The following FERD3L variants were observed in gnomAD, a reference collection of about 807,000 sequenced individuals.
FERD3L encodes the protein Fer3 like bHLH transcription factor.
In FERD3L, 7 loss-of-function variants were observed where a neutral mutation model predicts 7.5. The observed-to-expected ratio is 0.94, with a 90% CI of 0.53 to 1.76. The LOEUF (loss-of-function observed/expected upper bound fraction) is 1.76, where lower values mean the gene tolerates loss of function less well. Among genes scored for constraint, FERD3L ranks in the 40% most tolerant of loss-of-function variants. The pLI is 0.00. For synonymous variants in FERD3L, 122 were observed against 94.4 expected, an observed-to-expected ratio of 1.29 and a Z score of -1.70; for missense variants, 264 against 220.9, an observed-to-expected ratio of 1.20 and a Z score of -1.24.
chr7:19,145,407 G>A lies in FERD3L; in HGVS notation c.-45C>T. 6.5e-7 allele frequency: 1 copy of A among 1,532,056 alleles called. No individual in the cohort carries two copies. The highest frequency in any genetic ancestry group is 8.8e-7 in the Non-Finnish European group (1 of 1,140,718). The allele number at this position is 1,532,056 out of a possible 1,614,324, so 94.9% of individuals were successfully genotyped here. ...CTCTCATCGGTTTTCCGCAGGGAGG[G>A]GCGAGGTTGCTGGTGGGGATTCTTA... is the stretch of plus-strand genomic sequence containing the variant. On this transcript the variant is annotated 5_prime_UTR_variant, in exon 1 of 1. Transcript: ENST00000275461.
chr7:19,145,086 T>A lies in FERD3L; in HGVS notation c.277A>T (p.Lys93Ter), dbSNP rs1563167411. ...GCGTAGGTGATCACCCTTTTCCTCTTGGGGCGGCCTAATAGGGAGACACCT... is the reference window on the plus strand; with the variant it reads ...GCGTAGGTGATCACCCTTTTCCTCTAGGGGCGGCCTAATAGGGAGACACCT... ...GRGVSLLGRP[K>*]RKRVITYAQR... is the part of the protein sequence containing the mutation. The change falls in exon 1 of 1, where the codon AAG becomes TAG. Residue 93 changes from lysine (K) to a stop codon, truncating the protein, a stop_gained. Transcript: ENST00000275461. LOFTEE classifies it high-confidence loss of function. 6.2e-7 allele frequency: 1 copy of A among 1,613,996 alleles called. No homozygotes were observed. The highest frequency in any genetic ancestry group is 8.5e-7 in the Non-Finnish European group (1 of 1,179,966).
rs749813515 is a variant in FERD3L, at chr7:19,145,016, T to C, written c.347A>G (p.Asn116Ser). 5.0e-6 allele frequency: 8 copies of C among 1,614,076 alleles called. No individual in the cohort carries two copies. The highest frequency in any genetic ancestry group is 4.5e-5 in the East Asian group (2 of 44,880). The change falls in exon 1 of 1, where the codon AAC (asparagine) becomes AGC (serine). Residue 116 changes from asparagine (N) to serine (S), a missense_variant. Transcript: ENST00000275461. ...ANIRERKRMF[N>S]LNEAFDQLRR... Reference sequence around the variant, plus strand: ...CAGCTGGTCAAAGGCCTCGTTGAGGTTGAACATCCGCTTCCTTTCGCGGAT... The same window carrying C: ...CAGCTGGTCAAAGGCCTCGTTGAGGCTGAACATCCGCTTCCTTTCGCGGAT...
Position 19,145,175 on chromosome 7 carries a change from T to G in FERD3L, c.188A>C (p.Glu63Ala). Residue 63 changes from glutamate (E) to alanine (A), a missense_variant, in exon 1 of 1, where the codon GAA becomes GCA. By Grantham distance (107) the Glu-to-Ala change is moderately radical (BLOSUM62 -1). Transcript: ENST00000275461. ...CTGGTCCACTTCGCACTCCTCTTCT[T>G]CTGGGTCCCCCTCTTCAAACCGCGC... ...RMARFEEGDP[E>A]EEECEVDQGD... 6.2e-7 allele frequency: 1 copy of G among 1,613,854 alleles called. No individual in the cohort carries two copies. The highest frequency in any genetic ancestry group is 1.1e-5 in the South Asian group (1 of 91,068).
At position 19,145,306 on chromosome 7, in the gene FERD3L, G is replaced by A. The variant is rs374794480; in HGVS notation, c.57C>T (p.Asp19=). ...GGCGTCTCGGGGAGGCCAGGGACAG[G>A]TCTGCGACGAAGTCCAGCACCGTAG... ...VDTTVLDFVA[D]LSLASPRRPL... is the part of the protein sequence containing the mutation. The change falls in exon 1 of 1, where the codon GAC becomes GAT. Residue 19 remains aspartate, a synonymous_variant. Coordinates refer to ENST00000275461, the MANE Select transcript of FERD3L (RefSeq NM_152898.2). 3.8e-5 allele frequency: 62 copies of A among 1,611,226 alleles called. No individual in the cohort carries two copies. The South Asian group carries it at 5.7e-4, about 15-fold the overall frequency.
Position 19,145,150 on chromosome 7 carries a change from CT to C in FERD3L, c.212del (p.Gln71ArgfsTer19). ...DPEEEECEVD[Q>X]GDGEEEEEEE... ...CTTCCTCCTCCTCTTCTCCGTCCCCCTGGTCCACTTCGCACTCCTCTTCTTC... is the reference window on the plus strand; with the variant it reads ...CTTCCTCCTCCTCTTCTCCGTCCCCCGGTCCACTTCGCACTCCTCTTCTTC... On this transcript the variant is annotated frameshift_variant, in exon 1 of 1. Transcript: ENST00000275461. LOFTEE classifies it high-confidence loss of function. 2 of 1,613,342 alleles carry C rather than the reference CT, an allele frequency of 1.2e-6. No homozygotes were observed. The highest frequency in any genetic ancestry group is 1.7e-6 in the Non-Finnish European group (2 of 1,179,388).
At position 19,144,974 on chromosome 7, in the gene FERD3L, G is replaced by T; in HGVS notation, c.389C>A (p.Thr130Lys). Residue 130 changes from threonine (T) to lysine (K), a missense_variant, in exon 1 of 1, where the codon ACG (threonine) becomes AAG (lysine). Coordinates refer to ENST00000275461, the MANE Select transcript of FERD3L (RefSeq NM_152898.2). ...GGACAGCCTTTTCTCGTAAGCAAACGTGGGCACCTTCCTCCGCAGCTGGTC... is the reference window on the plus strand; with the variant it reads ...GGACAGCCTTTTCTCGTAAGCAAACTTGGGCACCTTCCTCCGCAGCTGGTC... ...AFDQLRRKVP[T>K]FAYEKRLSRI... 1 of 1,614,154 alleles carries T rather than the reference G, an allele frequency of 6.2e-7. No individual in the cohort carries two copies. The highest frequency in any genetic ancestry group is 2.2e-5 in the East Asian group (1 of 44,868).
In FERD3L at chr7:19,144,999, C is replaced by T; in HGVS notation, c.364G>A (p.Asp122Asn). The part of the protein sequence containing the change: ...KRMFNLNEAF[D>N]QLRRKVPTFA... ...GTGGGCACCTTCCTCCGCAGCTGGTCAAAGGCCTCGTTGAGGTTGAACATC... is the reference window on the plus strand; with the variant it reads ...GTGGGCACCTTCCTCCGCAGCTGGTTAAAGGCCTCGTTGAGGTTGAACATC... Residue 122 changes from aspartate (D) to asparagine (N), a missense_variant, in exon 1 of 1, where the codon GAC becomes AAC. Transcript: ENST00000275461. 6.2e-7 allele frequency: 1 copy of T among 1,614,192 alleles called. No homozygotes were observed. Among genetic ancestry groups the T allele is most frequent in the African/African-American group, 1.3e-5 (1 of 75,046 alleles).
In FERD3L at chr7:19,145,359, C is replaced by A; in HGVS notation, c.4G>T (p.Ala2Ser). The change falls in exon 1 of 1, where the codon GCG becomes TCG. Residue 2 changes from alanine to serine, a missense_variant. Transcript: ENST00000275461. M[A>S]AYPESCVDTT... is the part of the protein sequence containing the mutation. ...TCCACGCAGCTCTCCGGATAGGCCG[C>A]CATCGCTTCGGCTTGGCCCTGCCTC... 1 of 1,578,582 alleles carries A rather than the reference C, an allele frequency of 6.3e-7. No homozygotes were observed. Among genetic ancestry groups the A allele is most frequent in the Non-Finnish European group, 8.6e-7 (1 of 1,158,336 alleles).
In FERD3L at chr7:19,145,331, G is replaced by A. The variant is rs767978345; in HGVS notation, c.32C>T (p.Thr11Ile). 1.9e-6 allele frequency: 3 copies of A among 1,598,642 alleles called. No homozygotes were observed. The highest frequency in any genetic ancestry group is 1.1e-5 in the South Asian group (1 of 90,856). Reference protein sequence around the residue: MAAYPESCVDTTVLDFVADLS... With the variant: MAAYPESCVDITVLDFVADLS... ...GTCTGCGACGAAGTCCAGCACCGTAGTGTCCACGCAGCTCTCCGGATAGGC... is the reference window on the plus strand; with the variant it reads ...GTCTGCGACGAAGTCCAGCACCGTAATGTCCACGCAGCTCTCCGGATAGGC... Residue 11 changes from threonine to isoleucine, a missense_variant, in exon 1 of 1, where the codon ACT becomes ATT. Physicochemically the swap from Thr to Ile is moderately conservative, Grantham distance 89. Coordinates refer to ENST00000275461, the MANE Select transcript of FERD3L (RefSeq NM_152898.2).
chr7:19,145,188 C>G lies in FERD3L; in HGVS notation c.175G>C (p.Glu59Gln). The G allele has an allele frequency of 6.2e-7, 1 of 1,614,020 alleles. No individual in the cohort carries two copies. Among genetic ancestry groups the G allele is most frequent in the Non-Finnish European group, 8.5e-7 (1 of 1,179,904 alleles). Residue 59 changes from glutamate to glutamine, a missense_variant, in exon 1 of 1, where the codon GAG becomes CAG. Physicochemically the swap from Glu to Gln is conservative, Grantham distance 29. Coordinates refer to ENST00000275461, the MANE Select transcript of FERD3L (RefSeq NM_152898.2). ...CACTCCTCTTCTTCTGGGTCCCCCT[C>G]TTCAAACCGCGCCATCCTCCTGGGT... is the stretch of plus-strand genomic sequence containing the variant. ...GRPRRMARFE[E>Q]GDPEEEECEV...
chr7:19,145,325 A>T lies in FERD3L; in HGVS notation c.38T>A (p.Val13Glu). Residue 13 changes from valine to glutamate, a missense_variant, in exon 1 of 1, where the codon GTG becomes GAG. By Grantham distance (121) the Val-to-Glu change is moderately radical. Transcript: ENST00000275461. ...GGACAGGTCTGCGACGAAGTCCAGC[A>T]CCGTAGTGTCCACGCAGCTCTCCGG... ...AYPESCVDTT[V>E]LDFVADLSLA... 2 of 1,600,608 alleles carry T rather than the reference A, an allele frequency of 1.2e-6. No homozygotes were observed. The highest frequency in any genetic ancestry group is 1.7e-6 in the Non-Finnish European group (2 of 1,172,096).
rs1219832834 is a variant in FERD3L, at chr7:19,145,307, T to C, written c.56A>G (p.Asp19Gly). 7 of 1,610,932 alleles carry C rather than the reference T, an allele frequency of 4.3e-6. No individual in the cohort carries two copies. Among genetic ancestry groups the C allele is most frequent in the Non-Finnish European group, 5.9e-6 (7 of 1,179,412 alleles). ...VDTTVLDFVA[D>G]LSLASPRRPL... ...GCGTCTCGGGGAGGCCAGGGACAGGTCTGCGACGAAGTCCAGCACCGTAGT... is the reference window on the plus strand; with the variant it reads ...GCGTCTCGGGGAGGCCAGGGACAGGCCTGCGACGAAGTCCAGCACCGTAGT... The change falls in exon 1 of 1, where the codon GAC becomes GGC. Residue 19 changes from aspartate to glycine, a missense_variant. Transcript: ENST00000275461.
At position 19,145,370 on chromosome 7, in the gene FERD3L, G is replaced by A; in HGVS notation, c.-8C>T. 1.3e-6 allele frequency: 2 copies of A among 1,571,778 alleles called. No homozygotes were observed. The highest frequency in any genetic ancestry group is 3.4e-5 in the Admixed American group (2 of 58,544). On this transcript the variant is annotated 5_prime_UTR_variant, in exon 1 of 1. Coordinates refer to ENST00000275461, the MANE Select transcript of FERD3L (RefSeq NM_152898.2). ...CTCCGGATAGGCCGCCATCGCTTCGGCTTGGCCCTGCCTCTCATCGGTTTT... is the reference window on the plus strand; with the variant it reads ...CTCCGGATAGGCCGCCATCGCTTCGACTTGGCCCTGCCTCTCATCGGTTTT...
At position 19,144,843 on chromosome 7, in the gene FERD3L, C is replaced by A. The variant is rs1401322684; in HGVS notation, c.*19G>T. On this transcript the variant is annotated 3_prime_UTR_variant, in exon 1 of 1. Transcript: ENST00000275461. ...CCCAGCACTACCAGACGAGGAAGGG[C>A]AGACTCTCCACACCAGGCTCAGCCG... 1 of 1,609,630 alleles carries A rather than the reference C, an allele frequency of 6.2e-7. No individual in the cohort carries two copies. The highest frequency in any genetic ancestry group is 1.7e-5 in the Admixed American group (1 of 59,888).
Position 19,145,123 on chromosome 7 carries a change from C to T in FERD3L, c.240G>A (p.Glu80=), listed in dbSNP as rs199985178. 3.5e-5 allele frequency: 56 copies of T among 1,612,254 alleles called. 1 individual carries two copies. In the East Asian group the frequency reaches 1.1e-3, roughly 32 times the overall value. ...ATAGGGAGACACCTCTTCCGCGCTC[C>T]TCTTCCTCCTCCTCTTCTCCGTCCC... ...DQGDGEEEEE[E]ERGRGVSLLG... Residue 80 remains glutamate, a synonymous_variant, in exon 1 of 1, where the codon GAG becomes GAA. Transcript: ENST00000275461.
Position 19,145,146 on chromosome 7 carries a change from C to G in FERD3L, c.217G>C (p.Asp73His), listed in dbSNP as rs959722211. 1.2e-6 allele frequency: 2 copies of G among 1,612,506 alleles called. No individual in the cohort carries two copies. The highest frequency in any genetic ancestry group is 1.7e-6 in the Non-Finnish European group (2 of 1,178,834). Residue 73 changes from aspartate (D) to histidine (H), a missense_variant, in exon 1 of 1, where the codon GAC becomes CAC. By Grantham distance (81) the Asp-to-His change is moderately conservative. Transcript: ENST00000275461. ...EEEECEVDQG[D>H]GEEEEEEERG... ...TCCTCTTCCTCCTCCTCTTCTCCGT[C>G]CCCCTGGTCCACTTCGCACTCCTCT...
Position 19,145,029 on chromosome 7 carries a change from T to C in FERD3L, c.334A>G (p.Lys112Glu). The change falls in exon 1 of 1, where the codon AAG (lysine) becomes GAG (glutamate). Residue 112 changes from lysine (K) to glutamate (E), a missense_variant. Lys to Glu is a moderately conservative substitution (Grantham distance 56, BLOSUM62 1). Coordinates refer to ENST00000275461, the MANE Select transcript of FERD3L (RefSeq NM_152898.2). ...QRQAANIRER[K>E]RMFNLNEAFD... ...GCCTCGTTGAGGTTGAACATCCGCT[T>C]CCTTTCGCGGATGTTGGCGGCCTGG... 2 of 1,614,176 alleles carry C rather than the reference T, an allele frequency of 1.2e-6. No individual in the cohort carries two copies. The highest frequency in any genetic ancestry group is 1.7e-6 in the Non-Finnish European group (2 of 1,180,026).
In FERD3L at chr7:19,145,109, C is replaced by A. The variant is rs74366495; in HGVS notation, c.254G>T (p.Gly85Val). 7.2e-3 allele frequency: 11,539 copies of A among 1,610,596 alleles called. 728 individuals are homozygous for A. In the East Asian group the frequency reaches 0.17, roughly 23 times the overall value. ...CTTGGGGCGGCCTAATAGGGAGACA[C>A]CTCTTCCGCGCTCCTCTTCCTCCTC... is the stretch of plus-strand genomic sequence containing the variant. ...EEEEEEERGR[G>V]VSLLGRPKRK... Residue 85 changes from glycine (G) to valine (V), a missense_variant, in exon 1 of 1, where the codon GGT becomes GTT. By Grantham distance (109) the Gly-to-Val change is moderately radical (BLOSUM62 -3). Coordinates refer to ENST00000275461, the MANE Select transcript of FERD3L (RefSeq NM_152898.2).
In FERD3L at chr7:19,145,115, C is replaced by G. The variant is rs1379352085; in HGVS notation, c.248G>C (p.Gly83Ala). The G allele has an allele frequency of 1.9e-6, 3 of 1,607,180 alleles. No individual in the cohort carries two copies. The South Asian group carries it at 3.3e-5, about 18-fold the overall frequency. The part of the protein sequence containing the change: ...DGEEEEEEER[G>A]RGVSLLGRPK... ...GCGGCCTAATAGGGAGACACCTCTTCCGCGCTCCTCTTCCTCCTCCTCTTC... is the reference window on the plus strand; with the variant it reads ...GCGGCCTAATAGGGAGACACCTCTTGCGCGCTCCTCTTCCTCCTCCTCTTC... Residue 83 changes from glycine to alanine, a missense_variant, in exon 1 of 1, where the codon GGA becomes GCA. By Grantham distance (60) the Gly-to-Ala change is moderately conservative. Transcript: ENST00000275461.
Sources: allele counts gnomAD v4.1 joint callset, GRCh38; gene constraint gnomAD v4.1.1; transcripts MANE v1.5; gene names NCBI Gene and HGNC (gene_info 2026-07-23, HGNC 2026-07-21).